The following DPP10 variants were observed in gnomAD, a reference collection of about 807,000 sequenced individuals.
The protein encoded by DPP10 is inactive dipeptidyl peptidase 10.
A neutral mutation model predicts 120.9 loss-of-function variants in DPP10; 33 were observed. The observed-to-expected ratio is 0.27, with a 90% CI of 0.21 to 0.37. The LOEUF (loss-of-function observed/expected upper bound fraction) is 0.37, where lower values mean the gene tolerates loss of function less well. DPP10 is among the 10% of genes least tolerant of loss of function. DPP10 has a pLI of 1.00. For synonymous variants in DPP10, 337 were observed against 326.1 expected, an observed-to-expected ratio of 1.03 and a Z score of -0.36; for missense variants, 816 against 942.8, an observed-to-expected ratio of 0.87 and a Z score of 1.76.
intron 1 of DPP10, among the ~76,000 whole-genome samples, chr2:114,729,074 C>A (rs538989228): frequency 1.3e-5 from 2 of 152,220 alleles, no homozygotes; most frequent in African/African-American, 4.8e-5. Flanking sequence ...TAGAGCACAA[C>A]GGCTTTGTAT....
intron 1 of DPP10, among the ~76,000 whole-genome samples, chr2:114,640,407 T>C (rs1358818948): frequency 6.6e-6 from 1 of 151,926 alleles, no homozygotes; most frequent in African/African-American, 2.4e-5. Flanking sequence ...ACTCATATAA[T>C]TTTTTTAACC....
chr2:115,321,436 C>T lies in DPP10; in HGVS notation c.175+12083C>T, dbSNP rs926964178. 3.3e-5 allele frequency among the ~76,000 whole-genome samples: 5 copies of T among 151,414 alleles called. 1 individual carries two copies. Among genetic ancestry groups the T allele is most frequent in the South Asian group, 4.2e-4 (2 of 4,788 alleles). ...TATATATATCAAGAGGGTTTTCTTT[C>T]GCTGCTTGCAGGATCCTATCTTTGT... On this transcript the variant is annotated intron_variant, in intron 2 of 25. Coordinates refer to ENST00000410059, the MANE Select transcript of DPP10 (RefSeq NM_020868.6).
intron 3 of DPP10, among the ~76,000 whole-genome samples, chr2:115,474,150 A>C (rs769751575): frequency 1.3e-5 from 2 of 148,746 alleles, no homozygotes; most frequent in Non-Finnish European, 3.0e-5. Flanking sequence ...ATGAACACAC[A>C]CTATTATTCA....
At chr2:114,495,360 C>T (rs946952044) in intron 1 of DPP10, among the ~76,000 whole-genome samples, 1 of 152,158 alleles carries the variant, frequency 6.6e-6, no homozygotes, top group African/African-American at 2.4e-5. Context: ...CATTTCCCAT[C>T]CCAGTTGACT....
chr2:114,706,671 C>T (rs1700707416), intron 1 of DPP10, among the ~76,000 whole-genome samples: 1 of 152,160 alleles, frequency 6.6e-6, no homozygotes, highest in African/African-American at 2.4e-5. Flanking sequence ...TCTGCAAAGA[C>T]CCTATTGCAA....
At chr2:114,567,352 G>A (rs1471571608) in intron 1 of DPP10, among the ~76,000 whole-genome samples, 1 of 152,082 alleles carries the variant, frequency 6.6e-6, no homozygotes, top group African/African-American at 2.4e-5. Context: ...TTTTTCCTTA[G>A]TTGGAGATTA....
At chr2:114,935,013 A>G (rs1696351100) in intron 1 of DPP10, among the ~76,000 whole-genome samples, 1 of 152,116 alleles carries the variant, frequency 6.6e-6, no homozygotes, top group South Asian at 2.1e-4. Context: ...AATGCCAATC[A>G]CTGTGCAGGT....
At chr2:115,025,268 C>A (rs987858079) in intron 1 of DPP10, among the ~76,000 whole-genome samples, 10 of 152,170 alleles carry the variant, frequency 6.6e-5, no homozygotes, top group Middle Eastern at 3.4e-3. Flanking sequence ...TCTTTCTGTG[C>A]TTGACTTATT....
chr2:115,251,316 A>T (rs2058740668), intron 1 of DPP10, among the ~76,000 whole-genome samples: 1 of 152,300 alleles, frequency 6.6e-6, no homozygotes, highest in East Asian at 1.9e-4. Flanking sequence ...TGAGGCTGTC[A>T]CTGCCAAACA....
chr2:114,915,055 C>T (rs981189054), intron 1 of DPP10, among the ~76,000 whole-genome samples: 9 of 151,978 alleles, frequency 5.9e-5, no homozygotes, highest in African/African-American at 1.7e-4. Flanking sequence ...GGCGTGAACC[C>T]GGGAGGCGGA....
At chr2:114,450,727 TAAA>T (rs535824596) in intron 1 of DPP10, among the ~76,000 whole-genome samples, 8 of 132,744 alleles carry the variant, frequency 6.0e-5, no homozygotes, top group African/African-American at 8.4e-5. Context: ...CTTCTGTAAG[TAAA>T]AAAAAAAAAA....
intron 1 of DPP10, among the ~76,000 whole-genome samples, chr2:114,470,000 GA>G (rs1273210392): frequency 6.6e-6 from 1 of 152,196 alleles, no homozygotes; most frequent in African/African-American, 2.4e-5. Flanking sequence ...CAAACCAATG[GA>G]CACCTTGAGG....
chr2:114,796,143 A>G (rs964350366), intron 1 of DPP10, among the ~76,000 whole-genome samples: 2 of 152,160 alleles, frequency 1.3e-5, no homozygotes, highest in East Asian at 3.9e-4. Context: ...CACGATTCTC[A>G]CTTAATTTTC....
At chr2:114,618,498 AC>A (rs1408048846) in intron 1 of DPP10, among the ~76,000 whole-genome samples, 1 of 151,982 alleles carries the variant, frequency 6.6e-6, no homozygotes, top group East Asian at 1.9e-4. Context: ...ATTTATTTTC[AC>A]CCACCACATT....
intron 3 of DPP10, among the ~76,000 whole-genome samples, chr2:115,383,595 T>A (rs1286343533): frequency 6.6e-6 from 1 of 152,228 alleles, no homozygotes; most frequent in Admixed American, 6.5e-5. Flanking sequence ...GCTAAGCTAG[T>A]CTTCCTGAGA....
intron 1 of DPP10, among the ~76,000 whole-genome samples, chr2:114,600,901 C>T (rs576768890): frequency 6.6e-6 from 1 of 151,788 alleles, no homozygotes; most frequent in Middle Eastern, 3.4e-3. Flanking sequence ...ATTTGTTGAA[C>T]CTGTGTTTAG....
chr2:115,543,635 G>GTT (rs374305721), intron 5 of DPP10, among the ~76,000 whole-genome samples: 1 of 150,734 alleles, frequency 6.6e-6, no homozygotes, highest in African/African-American at 2.4e-5. Context: ...CACATGCTGG[G>GTT]TTTTTTTTTG....
intron 5 of DPP10, among the ~76,000 whole-genome samples, chr2:115,621,835 G>A (rs934924836): frequency 2.0e-5 from 3 of 151,944 alleles, no homozygotes; most frequent in African/African-American, 4.8e-5. Context: ...CTGCCACCAC[G>A]CCTGGCTAAT....
At chr2:115,523,188 C>G (rs931209132) in intron 4 of DPP10, among the ~76,000 whole-genome samples, 17 of 151,072 alleles carry the variant, frequency 1.1e-4, no homozygotes, top group Non-Finnish European at 2.2e-4. Context: ...GCTGCATAAG[C>G]TTGAGGCAGT....
Sources: gnomAD v4.1 joint callset for allele counts (sites outside exome capture counted in the v4.1 genomes callset) on GRCh38, gnomAD v4.1.1 for gene constraint, MANE v1.5 for transcripts, NCBI Gene and HGNC (gene_info 2026-07-23, HGNC 2026-07-21) for gene names.